DPY19L1: variants seen among roughly 807,000 people sequenced by gnomAD.
DPY19L1 encodes dpy-19 like C-mannosyltransferase 1, also known as protein C-mannosyl-transferase DPY19L1.
DPY19L1 carries 35 observed loss-of-function variants against 96.9 expected under a neutral mutation model. The ratio of observed to expected loss-of-function variants is 0.36; its 90% confidence interval spans 0.28 to 0.48. The LOEUF (loss-of-function observed/expected upper bound fraction) is 0.48. DPY19L1 is among the 20% of genes least tolerant of loss of function. The pLI is 0.99. For synonymous variants in DPY19L1, 205 were observed against 252.6 expected (o/e 0.81, Z 1.79); for missense variants, 521 against 777.9 (o/e 0.67, Z 3.93).
intron 18 of DPY19L1, among the ~76,000 whole-genome samples, chr7:34,941,047 C>A (rs1351756536): frequency 6.6e-6 from 1 of 152,100 alleles, no homozygotes; most frequent in Non-Finnish European, 1.5e-5. Context: ...TGATCTTTCT[C>A]CACATGTCTA....
chr7:34,959,913 AT>A (rs57912508), intron 10 of DPY19L1, among the ~76,000 whole-genome samples: 28,114 of 57,970 alleles, frequency 0.48, 4,283 homozygotes, highest in African/African-American at 0.62. Flanking sequence ...ATATATATAT[AT>A]ATATATATAT....
chr7:35,022,192 T>TA (rs1328932041), intron 1 of DPY19L1, among the ~76,000 whole-genome samples: 4 of 152,242 alleles, frequency 2.6e-5, no homozygotes, highest in African/African-American at 9.6e-5. Flanking sequence ...TATTTCCACT[T>TA]AAACACATAT....
chr7:34,938,830 A>G (rs1783929172), intron 20 of DPY19L1, among the ~76,000 whole-genome samples: 1 of 152,222 alleles, frequency 6.6e-6, no homozygotes, highest in African/African-American at 2.4e-5. Context: ...ACCCAAGATC[A>G]TTCTAACAGG....
At chr7:34,940,814 C>T (rs1440338026) in intron 18 of DPY19L1, 1 of 158,480 alleles carries the variant, frequency 6.3e-6, no homozygotes, top group African/African-American at 2.4e-5. Context: ...ACAAAATCCA[C>T]AATTACTTTT....
intron 1 of DPY19L1, among the ~76,000 whole-genome samples, chr7:35,021,724 C>G (rs1285127193): frequency 1.3e-5 from 2 of 152,118 alleles, no homozygotes; most frequent in Non-Finnish European, 2.9e-5. Flanking sequence ...GGAATTCTGC[C>G]CTGCACTGCA....
At chr7:34,987,563 A>T (rs1785077436) in intron 7 of DPY19L1, among the ~76,000 whole-genome samples, 1 of 152,104 alleles carries the variant, frequency 6.6e-6, no homozygotes, top group Non-Finnish European at 1.5e-5. Context: ...ACTTAAATGC[A>T]AGTAACAATT....
Position 34,930,545 on chromosome 7 carries a change from CA to C in DPY19L1, c.*1027del, listed in dbSNP as rs1454457576. ...TCATTATTCTTTACATTTTTGACAG[CA>C]AAATTAGTCATGTTTTATTGTATCT... On this transcript the variant is annotated 3_prime_UTR_variant, in exon 22 of 22. Coordinates refer to ENST00000638088, the MANE Select transcript of DPY19L1 (RefSeq NM_001366673.1). 6.6e-6 allele frequency: 1 copy of C among 151,968 alleles called. No homozygotes were observed. The highest frequency in any genetic ancestry group is 2.4e-5 in the African/African-American group (1 of 41,392). The allele number at this position is 151,968 out of a possible 1,614,324, so 9.4% of individuals were successfully genotyped here. A position where few individuals can be genotyped will look rare whatever the true frequency, so the allele number is the denominator to read the frequency against.
Position 35,037,447 on chromosome 7 carries a change from C to CGGCG in DPY19L1, c.-57_-54dup. On this transcript the variant is annotated 5_prime_UTR_variant, in exon 1 of 22. Coordinates refer to ENST00000638088, the MANE Select transcript of DPY19L1 (RefSeq NM_001366673.1). ...GCGCGCCCGGACGGCGGCCAGAGAA[C>CGGCG]GGCGGGCTGGCTGGGCGGCTGGGCG... 3.2e-6 allele frequency: 1 copy of CGGCG among 311,428 alleles called. No individual in the cohort carries two copies. The highest frequency in any genetic ancestry group is 5.9e-6 in the Non-Finnish European group (1 of 169,592). The allele number at this position is 311,428 out of a possible 1,614,324, so 19.3% of individuals were successfully genotyped here. A position where few individuals can be genotyped will look rare whatever the true frequency, so the allele number is the denominator to read the frequency against.
chr7:34,945,528 A>G (rs556465396), intron 16 of DPY19L1, 139 bp downstream of exon 16: 40 of 638,646 alleles, frequency 6.3e-5, no homozygotes, highest in East Asian at 5.2e-4. Flanking sequence ...AAGAAATGCC[A>G]GGAAGGGAAA....
chr7:34,945,166 T>C (rs1238938603), intron 16 of DPY19L1, among the ~76,000 whole-genome samples: 3 of 151,954 alleles, frequency 2.0e-5, no homozygotes, highest in African/African-American at 7.2e-5. Context: ...GGTGTGATGG[T>C]GGAAAATACC....
At chr7:34,954,483 A>G (rs1784331993) in intron 13 of DPY19L1, 1 of 318,726 alleles carries the variant, frequency 3.1e-6, no homozygotes, top group East Asian at 6.4e-5. Context: ...TTAGTGACAT[A>G]GAAGGACCAA....
intron 7 of DPY19L1, among the ~76,000 whole-genome samples, chr7:34,985,583 G>A (rs1295239490): frequency 6.6e-6 from 1 of 151,818 alleles, no homozygotes; most frequent in Non-Finnish European, 1.5e-5. Flanking sequence ...AAAATGCTCA[G>A]CTTCTCAAAC....
chr7:35,014,262 A>T (rs1584256214), intron 3 of DPY19L1, among the ~76,000 whole-genome samples: 6 of 152,256 alleles, frequency 3.9e-5, no homozygotes, highest in African/African-American at 1.4e-4. Flanking sequence ...TTTCCCTCCT[A>T]TCAAGTCAGC....
At chr7:34,997,242 C>A (rs1345048741) in intron 6 of DPY19L1, among the ~76,000 whole-genome samples, 1 of 151,112 alleles carries the variant, frequency 6.6e-6, no homozygotes. Flanking sequence ...TACACAACTG[C>A]TAGACCAAAT....
At chr7:34,983,513 G>A (rs991482016) in intron 7 of DPY19L1, among the ~76,000 whole-genome samples, 4 of 149,214 alleles carry the variant, frequency 2.7e-5, no homozygotes, top group African/African-American at 9.8e-5. Flanking sequence ...GAGGAAGGGA[G>A]GGAAGGAGGG....
At chr7:34,959,033 A>AC (rs1329463315) in intron 10 of DPY19L1, among the ~76,000 whole-genome samples, 10 of 151,668 alleles carry the variant, frequency 6.6e-5, no homozygotes, top group South Asian at 2.1e-4. Flanking sequence ...GAAAAAAAAA[A>AC]CCATCAAAAA....
chr7:34,940,986 AT>A (rs1015022333), intron 18 of DPY19L1, among the ~76,000 whole-genome samples: 1 of 151,986 alleles, frequency 6.6e-6, no homozygotes, highest in African/African-American at 2.4e-5. Flanking sequence ...AGGCTGGCTA[AT>A]TTTTTCCACA....
At chr7:35,007,040 C>T (rs138674001) in intron 6 of DPY19L1, among the ~76,000 whole-genome samples, 1,943 of 152,134 alleles carry the variant, frequency 0.013, 11 homozygotes, top group Middle Eastern at 0.02. Context: ...GCAGCTTTAT[C>T]CCTTTCATAA....
intron 9 of DPY19L1, among the ~76,000 whole-genome samples, 197 bp downstream of exon 9, chr7:34,969,236 T>C (rs1784674585): frequency 6.6e-6 from 1 of 152,158 alleles, no homozygotes; most frequent in Non-Finnish European, 1.5e-5. Context: ...TAATAAATAA[T>C]CCAACATATT....
Sources: allele counts gnomAD v4.1 joint callset (sites outside exome capture counted in the v4.1 genomes callset), GRCh38; gene constraint gnomAD v4.1.1; transcripts MANE v1.5; gene names NCBI Gene and HGNC (gene_info 2026-07-23, HGNC 2026-07-21).